The following TAB2 variants were observed in gnomAD, a reference collection of about 807,000 sequenced individuals.
TAB2 encodes the protein TGF-beta-activated kinase 1 and MAP3K7-binding protein 2.
In TAB2, 3 loss-of-function variants were observed where a neutral mutation model predicts 65.0. The ratio of observed to expected loss-of-function variants is 0.05; its 90% CI spans 0.02 to 0.12. TAB2 has a LOEUF of 0.12. Among genes scored for constraint, TAB2 ranks in the 10% least tolerant of loss-of-function variants. TAB2 has a pLI of 1.00. For missense variants in TAB2, 623 were observed against 840.3 expected (o/e 0.74, Z 3.20); for synonymous variants, 298 against 285.1 (o/e 1.05, Z -0.46).
chr6:149,280,926 C>T (rs1778560998), intron 1 of TAB2, among the ~76,000 whole-genome samples: 4 of 68,948 alleles, frequency 5.8e-5, no homozygotes, highest in African/African-American at 1.5e-4. Context: ...AATGAGACCT[C>T]GTCTCAAAAA....
At chr6:149,362,320 G>A (rs1282495117) in intron 1 of TAB2, among the ~76,000 whole-genome samples, 3 of 152,208 alleles carry the variant, frequency 2.0e-5, no homozygotes, top group Non-Finnish European at 4.4e-5. Context: ...CTTCGCTTCT[G>A]GCGGGACCTC....
chr6:149,355,129 G>A (rs541869866), intron 1 of TAB2, among the ~76,000 whole-genome samples: 10 of 152,194 alleles, frequency 6.6e-5, no homozygotes, highest in African/African-American at 2.2e-4. Flanking sequence ...CTCCCATGAT[G>A]CGCCGCCCCT....
chr6:149,374,009 A>C (rs751949651), intron 2 of TAB2, among the ~76,000 whole-genome samples: 1 of 152,190 alleles, frequency 6.6e-6, no homozygotes, highest in Non-Finnish European at 1.5e-5. Flanking sequence ...AAACTGATTG[A>C]AACACATCAA....
At chr6:149,396,999 T>G (rs569343596) in intron 3 of TAB2, among the ~76,000 whole-genome samples, 2 of 152,330 alleles carry the variant, frequency 1.3e-5, no homozygotes, top group South Asian at 4.1e-4. Context: ...GATACAGTAG[T>G]AAGTAGGTTA....
intron 2 of TAB2, among the ~76,000 whole-genome samples, chr6:149,372,752 G>C (rs1360428109): frequency 1.3e-5 from 2 of 152,160 alleles, no homozygotes; most frequent in African/African-American, 4.8e-5. Flanking sequence ...AATCTGACAA[G>C]AAAGGAATAG....
chr6:149,322,665 G>A (rs767030010), intron 1 of TAB2, among the ~76,000 whole-genome samples: 23 of 152,136 alleles, frequency 1.5e-4, no homozygotes, highest in East Asian at 7.7e-4. Flanking sequence ...ACATTGTGTC[G>A]TATGTTGTTG....
intron 1 of TAB2, among the ~76,000 whole-genome samples, chr6:149,250,764 G>A (rs1250587864): frequency 6.6e-6 from 1 of 152,180 alleles, no homozygotes; most frequent in Non-Finnish European, 1.5e-5. Flanking sequence ...AATTGATGAG[G>A]CTATCCTTTC....
rs959535029 is a variant in TAB2 at position 149,360,966 on chromosome 6, C to T, written c.-89-8943C>T. Among the ~76,000 whole-genome samples the T allele has an allele frequency of 3.9e-5, 6 of 152,298 alleles. 1 individual carries two copies. In the South Asian group the frequency reaches 6.2e-4, roughly 16 times the overall value. Reference sequence around the variant, plus strand: ...AATAATCTCCTTTGACTCCATGTCCCGCATCCAGGCCTTTGAGCAGCCCTG... The same window carrying T: ...AATAATCTCCTTTGACTCCATGTCCTGCATCCAGGCCTTTGAGCAGCCCTG... On this transcript the variant is annotated intron_variant, in intron 1 of 6. Coordinates refer to ENST00000637181, the MANE Select transcript of TAB2 (RefSeq NM_001292034.3).
At chr6:149,306,948 A>G (rs1779083930) in intron 1 of TAB2, among the ~76,000 whole-genome samples, 1 of 152,184 alleles carries the variant, frequency 6.6e-6, no homozygotes, top group Non-Finnish European at 1.5e-5. Flanking sequence ...CTGTGTTTCA[A>G]AATGTTGGCC....
At chr6:149,254,164 G>A (rs1181448275) in intron 1 of TAB2, among the ~76,000 whole-genome samples, 2 of 151,404 alleles carry the variant, frequency 1.3e-5, no homozygotes, top group Non-Finnish European at 2.9e-5. Context: ...GGAAAGGAAA[G>A]GAAAAAGAAA....
At chr6:149,303,692 C>T (rs1200190604) in intron 1 of TAB2, among the ~76,000 whole-genome samples, 5 of 152,178 alleles carry the variant, frequency 3.3e-5, no homozygotes, top group African/African-American at 1.2e-4. Context: ...TTTGTTCAAT[C>T]CACAACAGAT....
intron 3 of TAB2, among the ~76,000 whole-genome samples, chr6:149,383,671 C>T (rs966518430): frequency 6.6e-6 from 1 of 152,232 alleles, no homozygotes; most frequent in African/African-American, 2.4e-5. Flanking sequence ...CAACCTTCAC[C>T]TCCCGGATTC....
intron 1 of TAB2, chr6:149,252,944 G>A (rs1392282586): frequency 6.6e-6 from 1 of 152,370 alleles, no homozygotes; most frequent in Non-Finnish European, 1.5e-5. Flanking sequence ...GAGATTTACA[G>A]GGAGCAGAGG....
intron 1 of TAB2, among the ~76,000 whole-genome samples, chr6:149,226,416 TC>T (rs1777278205): frequency 6.6e-6 from 1 of 152,198 alleles, no homozygotes; most frequent in African/African-American, 2.4e-5. Flanking sequence ...TTAACTGGCA[TC>T]CATAATCCTC....
At chr6:149,396,087 G>A (rs1367010085) in intron 3 of TAB2, among the ~76,000 whole-genome samples, 2 of 151,572 alleles carry the variant, frequency 1.3e-5, no homozygotes, top group South Asian at 2.1e-4. Context: ...GTGTGATCTC[G>A]GCTTACTGCA....
intron 1 of TAB2, chr6:149,318,492 C>A (rs914258501): frequency 1.4e-4 from 5 of 36,138 alleles, no homozygotes; most frequent in Middle Eastern, 0.012. Context: ...AGACACGGGG[C>A]AGTTATGTGG....
chr6:149,373,509 T>A (rs540502563), intron 2 of TAB2, among the ~76,000 whole-genome samples: 1 of 150,654 alleles, frequency 6.6e-6, no homozygotes, highest in East Asian at 1.9e-4. Flanking sequence ...AGACTGAGAT[T>A]CTTGCGATCA....
intron 1 of TAB2, among the ~76,000 whole-genome samples, chr6:149,365,172 A>G (rs555315174): frequency 6.6e-6 from 1 of 152,200 alleles, no homozygotes; most frequent in South Asian, 2.1e-4. Flanking sequence ...TTTTCTCAGG[A>G]GAGGGTTTAT....
intron 1 of TAB2, among the ~76,000 whole-genome samples, chr6:149,288,549 C>T (rs571707705): frequency 6.6e-6 from 1 of 152,178 alleles, no homozygotes; most frequent in Non-Finnish European, 1.5e-5. Flanking sequence ...TCCCCAAAAC[C>T]TCACCAACCC....
Sources: allele counts gnomAD v4.1 joint callset (sites outside exome capture counted in the v4.1 genomes callset), GRCh38; gene constraint gnomAD v4.1.1; transcripts MANE v1.5; gene names NCBI Gene and HGNC (gene_info 2026-07-23, HGNC 2026-07-21).